RAD51B: variants seen among roughly 807,000 people sequenced by gnomAD.
RAD51B encodes DNA repair protein RAD51 homolog 2.
RAD51B carries 38 observed loss-of-function variants against 42.2 expected under a neutral mutation model. The observed-to-expected ratio is 0.90, with a 90% CI of 0.70 to 1.18. The LOEUF (loss-of-function observed/expected upper bound fraction) is 1.18. RAD51B is among the 50% of genes most tolerant of loss of function. The probability of loss-of-function intolerance (pLI) is 0.00; values close to 1 mark genes in which losing one functional copy is unlikely to be tolerated. For missense variants in RAD51B, 373 were observed against 400.7 expected, an observed-to-expected ratio of 0.93 and a Z score of 0.59; for synonymous variants, 154 against 145.2, an observed-to-expected ratio of 1.06 and a Z score of -0.43.
chr14:68,064,185 T>C (rs1193818797), intron 7 of RAD51B, among the ~76,000 whole-genome samples: 2 of 152,216 alleles, frequency 1.3e-5, no homozygotes, highest in Non-Finnish European at 2.9e-5. Flanking sequence ...GGAAAGACTT[T>C]ATTTCTTCCT....
chr14:68,453,281 A>G (rs918519308), intron 9 of RAD51B, among the ~76,000 whole-genome samples: 4 of 152,372 alleles, frequency 2.6e-5, no homozygotes, highest in African/African-American at 7.2e-5. Flanking sequence ...GAGAGCATGA[A>G]TCTTTTTGAG....
At position 67,865,209 on chromosome 14, in the gene RAD51B, A is replaced by G. The variant is rs1384850951; in HGVS notation, c.452+70A>G. The G allele has an allele frequency of 4.5e-6, 6 of 1,325,736 alleles. No homozygotes were observed. The South Asian group carries it at 5.6e-5, about 12-fold the overall frequency. The allele number at this position is 1,325,736 out of a possible 1,614,324, so 82.1% of individuals were successfully genotyped here. A position where few individuals can be genotyped will look rare whatever the true frequency, so the allele number is the denominator to read the frequency against. The stretch of plus-strand genomic sequence containing the variant: ...TATATACAGCATGAAACATTTACAC[A>G]TAGGTTAACATTTACCACCCCTCCC... On this transcript the variant is annotated intron_variant, in intron 5 of 10. Coordinates refer to ENST00000471583, the MANE Select transcript of RAD51B (RefSeq NM_133510.4).
At chr14:68,627,924 T>A (rs76091719) in intron 10 of RAD51B, among the ~76,000 whole-genome samples, 1 of 2,350 alleles carries the variant, frequency 4.3e-4, no homozygotes, top group Non-Finnish European at 6.5e-4. Flanking sequence ...TATTTTTTTT[T>A]AAATAAACAC....
chr14:68,647,332 C>A (rs1331667877), intron 10 of RAD51B, among the ~76,000 whole-genome samples: 2 of 152,222 alleles, frequency 1.3e-5, no homozygotes, highest in African/African-American at 4.8e-5. Context: ...TGATAGATGA[C>A]ACCCTTGTTT....
chr14:67,882,233 A>C (rs1482808526), intron 5 of RAD51B, among the ~76,000 whole-genome samples: 1 of 151,994 alleles, frequency 6.6e-6, no homozygotes, highest in Non-Finnish European at 1.5e-5. Flanking sequence ...TTGGCCTCCT[A>C]AAGTGTTGGG....
intron 7 of RAD51B, among the ~76,000 whole-genome samples, chr14:67,909,241 C>CT (rs1478891032): frequency 2.6e-5 from 4 of 152,056 alleles, no homozygotes; most frequent in East Asian, 1.9e-4. Context: ...AAACAAAAGA[C>CT]TAACACTCTA....
chr14:68,292,502 G>A (rs1364137036), intron 8 of RAD51B, among the ~76,000 whole-genome samples: 9 of 152,192 alleles, frequency 5.9e-5, no homozygotes, highest in African/African-American at 1.7e-4. Context: ...TGGTTTCGAT[G>A]GCAATAAGCT....
At position 67,891,095 on chromosome 14, in the gene RAD51B, T is replaced by C. The variant is rs975093720; in HGVS notation, c.756+3891T>C. ...TTCAACAAATCAATTTCAGTTGTTATATGAATAATATTGAACTTTTTTGTC... is the reference window on the plus strand; with the variant it reads ...TTCAACAAATCAATTTCAGTTGTTACATGAATAATATTGAACTTTTTTGTC... On this transcript the variant is annotated intron_variant, in intron 7 of 10. Coordinates refer to ENST00000471583, the MANE Select transcript of RAD51B (RefSeq NM_133510.4). Among the ~76,000 whole-genome samples the C allele has an allele frequency of 8.1e-4, 123 of 152,262 alleles. 1 individual carries two copies. Among genetic ancestry groups the C allele is most frequent in the African/African-American group, 2.9e-3 (121 of 41,558 alleles).
chr14:68,230,621 A>G (rs897116748), intron 7 of RAD51B, among the ~76,000 whole-genome samples: 1 of 152,198 alleles, frequency 6.6e-6, no homozygotes, highest in African/African-American at 2.4e-5. Context: ...ACAGATGTCT[A>G]CTACAAAATC....
At chr14:68,019,746 G>A (rs751785952) in intron 7 of RAD51B, among the ~76,000 whole-genome samples, 9 of 152,006 alleles carry the variant, frequency 5.9e-5, no homozygotes, top group Admixed American at 1.3e-4. Flanking sequence ...GGATGACTGC[G>A]TATAACAAAA....
intron 9 of RAD51B, among the ~76,000 whole-genome samples, chr14:68,426,942 T>C (rs1416169400): frequency 1.3e-5 from 2 of 152,138 alleles, no homozygotes; most frequent in Non-Finnish European, 2.9e-5. Flanking sequence ...CTCAGGACGC[T>C]ACCTTCTGCA....
At chr14:68,519,433 G>C (rs564691547) in intron 10 of RAD51B, among the ~76,000 whole-genome samples, 1 of 152,354 alleles carries the variant, frequency 6.6e-6, no homozygotes. Flanking sequence ...TAGGAGAAAA[G>C]AGTGGGCGTG....
intron 7 of RAD51B, among the ~76,000 whole-genome samples, chr14:68,143,738 G>A (rs1437770857): frequency 6.6e-6 from 1 of 152,128 alleles, no homozygotes; most frequent in Non-Finnish European, 1.5e-5. Flanking sequence ...GCTTTCTGGG[G>A]GCTTTGAAAA....
At chr14:68,334,292 A>G (rs976991107) in intron 8 of RAD51B, among the ~76,000 whole-genome samples, 1 of 152,160 alleles carries the variant, frequency 6.6e-6, no homozygotes, top group Non-Finnish European at 1.5e-5. Flanking sequence ...TGTATATTAT[A>G]TATAATATAT....
chr14:68,594,406 C>A (rs886295704), intron 10 of RAD51B: 2 of 1,289,856 alleles, frequency 1.6e-6, no homozygotes, highest in Non-Finnish European at 2.0e-6. Context: ...CTCAACCATC[C>A]TCTTCAGGAA....
intron 7 of RAD51B, among the ~76,000 whole-genome samples, chr14:68,260,105 G>C (rs1205851671): frequency 2.0e-5 from 3 of 152,086 alleles, no homozygotes; most frequent in African/African-American, 7.2e-5. Flanking sequence ...TATAAAATGG[G>C]TGAGCAGAGG....
At chr14:68,670,482 A>C (rs1893133729) in intron 11 of RAD51B, among the ~76,000 whole-genome samples, 1 of 152,224 alleles carries the variant, frequency 6.6e-6, no homozygotes. Flanking sequence ...AGGAGAGGGC[A>C]CTAGGCCAGG....
intron 7 of RAD51B, among the ~76,000 whole-genome samples, chr14:68,078,254 T>C (rs1031288953): frequency 1.3e-5 from 2 of 152,224 alleles, no homozygotes; most frequent in South Asian, 4.1e-4. Flanking sequence ...CCTCAAGTCA[T>C]CCTTTTGCCT....
chr14:67,925,019 A>G (rs1332469637), intron 7 of RAD51B, among the ~76,000 whole-genome samples: 3 of 152,238 alleles, frequency 2.0e-5, no homozygotes, highest in Non-Finnish European at 2.9e-5. Flanking sequence ...TGGCCAAAAC[A>G]AAGGGGCTCC....
Sources: gnomAD v4.1 joint callset for allele counts (sites outside exome capture counted in the v4.1 genomes callset) on GRCh38, gnomAD v4.1.1 for gene constraint, MANE v1.5 for transcripts, NCBI Gene and HGNC (gene_info 2026-07-23, HGNC 2026-07-21) for gene names.